Variants in ROBO2 observed in about 807,000 individuals in gnomAD.
The protein encoded by ROBO2 is roundabout homolog 2.
ROBO2 carries 53 observed loss-of-function variants against 160.8 expected under a neutral mutation model. The ratio of observed to expected loss-of-function variants is 0.33; its 90% CI spans 0.26 to 0.41. The LOEUF (loss-of-function observed/expected upper bound fraction) is 0.41, where lower values mean the gene tolerates loss of function less well. Ranked by LOEUF, ROBO2 falls within the 10% of genes least tolerant of loss-of-function variation. The probability of loss-of-function intolerance (pLI) is 1.00; values close to 1 mark genes in which losing one functional copy is unlikely to be tolerated. For synonymous variants in ROBO2, 664 were observed against 611.7 expected (o/e 1.09, Z -1.26); for missense variants, 1,577 against 1,722.4 (o/e 0.92, Z 1.49).
chr3:76,941,679 C>G (rs1276708554), intron 2 of ROBO2, among the ~76,000 whole-genome samples: 1 of 152,160 alleles, frequency 6.6e-6, no homozygotes, highest in Non-Finnish European at 1.5e-5. Flanking sequence ...GCCTTATACC[C>G]AGTAACTTTC....
intron 2 of ROBO2, among the ~76,000 whole-genome samples, chr3:76,045,009 G>T (rs916436812): frequency 2.0e-5 from 3 of 152,006 alleles, no homozygotes; most frequent in African/African-American, 7.3e-5. Flanking sequence ...AGCAAGTCAA[G>T]CTATTTCCAT....
intron 2 of ROBO2, among the ~76,000 whole-genome samples, chr3:76,094,178 CAAAG>C (rs1462727453): frequency 3.3e-5 from 5 of 151,884 alleles, no homozygotes; most frequent in Non-Finnish European, 5.9e-5. Flanking sequence ...TCTAAAGAAA[CAAAG>C]AAATACACCC....
In ROBO2 at chr3:76,188,347, A is replaced by T. The variant is rs79551069; in HGVS notation, c.109+250745A>T. 4.4e-4 allele frequency among the ~76,000 whole-genome samples: 67 copies of T among 152,210 alleles called. 1 individual carries two copies. In the East Asian group the frequency reaches 0.01, roughly 24 times the overall value. On this transcript the variant is annotated intron_variant, in intron 2 of 26. Transcript: ENST00000487694. ...ACACAGAGACAGACACATACAGAAA[A>T]AAAGATGAAGATGATGTAAAGACTT...
At chr3:76,574,455 C>T (rs1439624998) in intron 2 of ROBO2, among the ~76,000 whole-genome samples, 1 of 152,064 alleles carries the variant, frequency 6.6e-6, no homozygotes, top group Non-Finnish European at 1.5e-5. Flanking sequence ...CAGGAGTCAG[C>T]TTCTATACCT....
At chr3:76,775,189 C>T (rs1248581879) in intron 2 of ROBO2, among the ~76,000 whole-genome samples, 1 of 150,644 alleles carries the variant, frequency 6.6e-6, no homozygotes, top group South Asian at 2.1e-4. Context: ...CTAATGGATA[C>T]CTAACTGCTT....
intron 2 of ROBO2, among the ~76,000 whole-genome samples, chr3:76,295,422 T>G (rs1168614862): frequency 6.6e-6 from 1 of 151,982 alleles, no homozygotes; most frequent in Admixed American, 6.6e-5. Context: ...CTCAAGATGT[T>G]TGCAATTCTC....
intron 2 of ROBO2, among the ~76,000 whole-genome samples, chr3:76,073,430 C>T (rs1020454463): frequency 6.6e-6 from 1 of 150,772 alleles, no homozygotes; most frequent in Admixed American, 6.6e-5. Flanking sequence ...GTAGCTGGGA[C>T]TACAGGCGCC....
chr3:76,880,203 G>T (rs530230555), intron 2 of ROBO2, among the ~76,000 whole-genome samples: 2 of 152,076 alleles, frequency 1.3e-5, no homozygotes, highest in East Asian at 3.9e-4. Flanking sequence ...TTTGGCCTAG[G>T]AATACATTAG....
chr3:77,298,956 G>C (rs1303213168), intron 2 of ROBO2, among the ~76,000 whole-genome samples: 4 of 152,154 alleles, frequency 2.6e-5, no homozygotes, highest in African/African-American at 4.8e-5. Context: ...CATTTCAGAA[G>C]ATAGAGGGGC....
intron 2 of ROBO2, among the ~76,000 whole-genome samples, chr3:76,131,730 A>G (rs1445807105): frequency 6.6e-6 from 1 of 152,156 alleles, no homozygotes; most frequent in Non-Finnish European, 1.5e-5. Flanking sequence ...CTTTGATTTT[A>G]TAACAGTTTT....
chr3:76,375,122 AAG>A, intron 2 of ROBO2, among the ~76,000 whole-genome samples: 1 of 152,002 alleles, frequency 6.6e-6, no homozygotes, highest in South Asian at 2.1e-4. Context: ...ATTCTCTATA[AAG>A]GAGTTTTCAG....
intron 2 of ROBO2, among the ~76,000 whole-genome samples, chr3:77,112,248 A>C (rs974012275): frequency 3.8e-5 from 1 of 26,190 alleles, no homozygotes; most frequent in Non-Finnish European, 7.3e-5. Context: ...TGGGGGGTGG[A>C]GGGGGGGACG....
chr3:76,378,856 C>T (rs888853085), intron 2 of ROBO2, among the ~76,000 whole-genome samples: 9 of 152,176 alleles, frequency 5.9e-5, no homozygotes, highest in Admixed American at 1.3e-4. Context: ...GAACCCTCTA[C>T]GCAGTTGGTT....
At chr3:77,193,527 C>T (rs73098061) in intron 2 of ROBO2, among the ~76,000 whole-genome samples, 29,339 of 151,110 alleles carry the variant, frequency 0.19, 3,272 homozygotes, top group Middle Eastern at 0.31. Flanking sequence ...CAAGTGATTC[C>T]AACAGATAAC....
intron 6 of ROBO2, among the ~76,000 whole-genome samples, chr3:77,541,287 C>G (rs915958320): frequency 6.6e-6 from 1 of 152,050 alleles, no homozygotes; most frequent in Non-Finnish European, 1.5e-5. Flanking sequence ...TTAGAGTCCC[C>G]CATCCCCTCA....
chr3:76,163,066 A>G (rs1372453526), intron 2 of ROBO2, among the ~76,000 whole-genome samples: 1 of 152,178 alleles, frequency 6.6e-6, no homozygotes, highest in African/African-American at 2.4e-5. Context: ...CCATTAGTCT[A>G]AAACATTTCG....
intron 2 of ROBO2, among the ~76,000 whole-genome samples, chr3:76,247,904 T>C (rs2107539690): frequency 6.6e-6 from 1 of 151,930 alleles, no homozygotes; most frequent in African/African-American, 2.4e-5. Flanking sequence ...TCACCATCAC[T>C]GGCCATCAGA....
intron 2 of ROBO2, among the ~76,000 whole-genome samples, chr3:76,176,844 T>C (rs1356431278): frequency 1.3e-5 from 2 of 152,176 alleles, no homozygotes; most frequent in African/African-American, 4.8e-5. Flanking sequence ...AATATGTGTA[T>C]GTCATTTCCG....
rs990858881 is a variant in ROBO2 at position 76,459,880 on chromosome 3, G to A, written c.109+522278G>A. Reference sequence around the variant, plus strand: ...AGTTCAGTTTCCTCATCTATAATATGACAAAAATAATAACTTCTCCAAATG... The same window carrying A: ...AGTTCAGTTTCCTCATCTATAATATAACAAAAATAATAACTTCTCCAAATG... On this transcript the variant is annotated intron_variant, in intron 2 of 26. Transcript: ENST00000487694. Among the ~76,000 whole-genome samples, 12 of 151,770 alleles carry A rather than the reference G, an allele frequency of 7.9e-5. No homozygotes were observed. The East Asian group carries it at 2.3e-3, about 29-fold the overall frequency.
Sources: gnomAD v4.1 joint callset for allele counts (sites outside exome capture counted in the v4.1 genomes callset) on GRCh38, gnomAD v4.1.1 for gene constraint, MANE v1.5 for transcripts, NCBI Gene and HGNC (gene_info 2026-07-23, HGNC 2026-07-21) for gene names.